The following LRP12 variants were observed in gnomAD, a reference collection of about 807,000 sequenced individuals.
LRP12 encodes LDL receptor related protein 12.
Under a neutral mutation model 66.0 loss-of-function variants are expected in LRP12, and 14 were observed. The observed-to-expected ratio is 0.21, with a 90% CI of 0.14 to 0.33. The LOEUF (loss-of-function observed/expected upper bound fraction) is 0.33, where lower values mean the gene tolerates loss of function less well. Ranked by LOEUF, LRP12 falls within the 10% of genes least tolerant of loss-of-function variation. LRP12 has a pLI of 1.00. For synonymous variants in LRP12, 357 were observed against 359.1 expected (o/e 0.99, Z 0.07); for missense variants, 889 against 1,053.4 (o/e 0.84, Z 2.16).
At chr8:104,531,356 G>T (rs989269714) in intron 2 of LRP12, among the ~76,000 whole-genome samples, 1 of 152,046 alleles carries the variant, frequency 6.6e-6, no homozygotes, top group Non-Finnish European at 1.5e-5. Flanking sequence ...TAATTATAAA[G>T]TTATAAAGTA....
At chr8:104,559,851 C>T (rs1811876022) in intron 1 of LRP12, among the ~76,000 whole-genome samples, 1 of 151,390 alleles carries the variant, frequency 6.6e-6, no homozygotes, top group East Asian at 1.9e-4. Flanking sequence ...TATATTTCCC[C>T]AAATGAAAAA....
intron 2 of LRP12, 105 bp from the exon 3 acceptor site, chr8:104,509,179 A>G (rs1810956264): frequency 1.1e-6 from 1 of 900,014 alleles, no homozygotes; most frequent in Non-Finnish European, 1.7e-6. Context: ...CACATCAAAT[A>G]ATAACCAATA....
At chr8:104,588,356 C>T (rs1812368205) in intron 1 of LRP12, among the ~76,000 whole-genome samples, 1 of 152,158 alleles carries the variant, frequency 6.6e-6, no homozygotes, top group South Asian at 2.1e-4. Flanking sequence ...AGGGCTGGCG[C>T]GGTGGGAATC....
intron 1 of LRP12, among the ~76,000 whole-genome samples, chr8:104,556,407 G>A (rs553305806): frequency 6.6e-6 from 1 of 152,198 alleles, no homozygotes; most frequent in East Asian, 1.9e-4. Context: ...GTGAGATTAA[G>A]CAAGAAGAGA....
chr8:104,584,586 A>G (rs1017620137), intron 1 of LRP12, among the ~76,000 whole-genome samples: 1 of 152,142 alleles, frequency 6.6e-6, no homozygotes, highest in Non-Finnish European at 1.5e-5. Flanking sequence ...TAAATCATTT[A>G]CCATACATCA....
At chr8:104,569,392 A>T (rs1812047422) in intron 1 of LRP12, among the ~76,000 whole-genome samples, 1 of 152,142 alleles carries the variant, frequency 6.6e-6, no homozygotes, top group South Asian at 2.1e-4. Flanking sequence ...TGAATTGTAC[A>T]CTTTTAAAAG....
chr8:104,514,974 G>GT (rs1811055826), intron 2 of LRP12, among the ~76,000 whole-genome samples: 1 of 152,182 alleles, frequency 6.6e-6, no homozygotes, highest in Non-Finnish European at 1.5e-5. Flanking sequence ...AAGAGGATGT[G>GT]TGATTGTTTA....
rs896940773 is a variant in LRP12 at position 104,588,960 on chromosome 8, G to A, written c.-63C>T. 3.7e-5 allele frequency: 38 copies of A among 1,034,412 alleles called. No individual in the cohort carries two copies. The African/African-American group carries it at 1.3e-3, about 35-fold the overall frequency. 64.1% of individuals were successfully genotyped at this position (1,034,412 alleles called of 1,614,324 possible). On this transcript the variant is annotated 5_prime_UTR_variant, in exon 1 of 7. Transcript: ENST00000276654. ...GAGGAGGGAGGAGAAGCTGGAGGTA[G>A]ACGACGCCGACGCCGCCGCCGCCGC...
At chr8:104,500,322 C>T (rs541581876) in intron 3 of LRP12, among the ~76,000 whole-genome samples, 1 of 152,234 alleles carries the variant, frequency 6.6e-6, no homozygotes, top group African/African-American at 2.4e-5. Context: ...ATTATTATAC[C>T]AGAATGTTTC....
At chr8:104,563,736 G>C (rs1811951841) in intron 1 of LRP12, among the ~76,000 whole-genome samples, 1 of 151,994 alleles carries the variant, frequency 6.6e-6, no homozygotes, top group African/African-American at 2.4e-5. Flanking sequence ...TGAGGACACA[G>C]CAAAAAGACA....
At chr8:104,544,406 C>A (rs1161851309) in intron 1 of LRP12, among the ~76,000 whole-genome samples, 1 of 152,152 alleles carries the variant, frequency 6.6e-6, no homozygotes, top group Admixed American at 6.5e-5. Flanking sequence ...AAGGTGGCTA[C>A]ACGAGGCAAC....
chr8:104,588,789 T>C, intron 1 of LRP12, 30 bp downstream of exon 1: 1 of 1,606,498 alleles, frequency 6.2e-7, no homozygotes, highest in Non-Finnish European at 8.5e-7. Flanking sequence ...CTTTGTTCGG[T>C]CAGCGGGGCG....
chr8:104,544,639 C>T (rs1158976857), intron 1 of LRP12, among the ~76,000 whole-genome samples: 2 of 152,146 alleles, frequency 1.3e-5, no homozygotes, highest in Non-Finnish European at 2.9e-5. Context: ...ATCTGCTCTG[C>T]TTGAACAAAG....
At chr8:104,548,727 T>C (rs1588501675) in intron 1 of LRP12, among the ~76,000 whole-genome samples, 1 of 140,136 alleles carries the variant, frequency 7.1e-6, no homozygotes, top group African/African-American at 2.8e-5. Flanking sequence ...GGCGGATCAC[T>C]TGAGGTTGGG....
rs1357458708 is a variant in LRP12 at position 104,578,389 on chromosome 8, A to C, written c.79+10430T>G. ...AAGCTAATAACAAACTCTGAAATTAAGTCAGTAATAAACAGCCTACCAACC... is the reference window on the plus strand; with the variant it reads ...AAGCTAATAACAAACTCTGAAATTACGTCAGTAATAAACAGCCTACCAACC... On this transcript the variant is annotated intron_variant, in intron 1 of 6. Coordinates refer to ENST00000276654, the MANE Select transcript of LRP12 (RefSeq NM_013437.5). Among the ~76,000 whole-genome samples the C allele has an allele frequency of 2.0e-5, 3 of 152,206 alleles. No homozygotes were observed. The East Asian group carries it at 5.8e-4, about 29-fold the overall frequency.
intron 1 of LRP12, among the ~76,000 whole-genome samples, chr8:104,542,633 A>G (rs1218100967): frequency 1.3e-5 from 2 of 152,148 alleles, no homozygotes; most frequent in Admixed American, 6.5e-5. Context: ...AAATCTGCAT[A>G]TAACTTTTGA....
At position 104,490,223 on chromosome 8, in the gene LRP12, GT is replaced by G. The variant is rs34015353; in HGVS notation, c.*449del. On this transcript the variant is annotated 3_prime_UTR_variant, in exon 7 of 7. Transcript: ENST00000276654. ...AATGAAAACGCAGGTGAGTATAAGG[GT>G]TTTTTTTTTGTACATTAACAACCTT... 41 of 149,076 alleles carry G rather than the reference GT, an allele frequency of 2.8e-4. No individual in the cohort carries two copies. The highest frequency in any genetic ancestry group is 4.0e-4 in the Non-Finnish European group (27 of 67,340). 9.2% of individuals were successfully genotyped at this position (149,076 alleles called of 1,614,324 possible).
At chr8:104,553,480 T>G (rs1811757976) in intron 1 of LRP12, among the ~76,000 whole-genome samples, 1 of 152,098 alleles carries the variant, frequency 6.6e-6, no homozygotes, top group Non-Finnish European at 1.5e-5. Flanking sequence ...TTTCCCCCAC[T>G]TCCCTGGCGA....
At chr8:104,540,862 T>C (rs1479603433) in intron 1 of LRP12, among the ~76,000 whole-genome samples, 8 of 152,090 alleles carry the variant, frequency 5.3e-5, no homozygotes, top group Non-Finnish European at 1.2e-4. Flanking sequence ...GCCTCCCGAA[T>C]AGCTGGGATT....
Sources: gnomAD v4.1 joint callset for allele counts (sites outside exome capture counted in the v4.1 genomes callset) on GRCh38, gnomAD v4.1.1 for gene constraint, MANE v1.5 for transcripts, NCBI Gene and HGNC (gene_info 2026-07-23, HGNC 2026-07-21) for gene names.